The following PCNX1 variants were observed in gnomAD, a reference collection of about 807,000 sequenced individuals.
PCNX1 encodes the protein pecanex-like protein 1.
Under a neutral mutation model 242.2 loss-of-function variants are expected in PCNX1, and 78 were observed. The observed-to-expected ratio is 0.32, with a 90% CI of 0.27 to 0.39. The LOEUF is 0.39. PCNX1 is among the 10% of genes least tolerant of loss of function. PCNX1 has a pLI of 1.00. For missense variants in PCNX1, 2,581 were observed against 2,856.5 expected (o/e 0.90, Z 2.20); for synonymous variants, 1,024 against 1,032.9 (o/e 0.99, Z 0.17).
Position 70,935,171 on chromosome 14 carries a change from A to G in PCNX1, c.154-11744A>G, listed in dbSNP as rs574947554. Among the ~76,000 whole-genome samples, 3 of 152,340 alleles carry G rather than the reference A, an allele frequency of 2.0e-5. No individual in the cohort carries two copies. In the South Asian group the frequency reaches 6.2e-4, roughly 32 times the overall value. ...TGAATAGAAAATACAAGTATCGTTC[A>G]TCAGGTACTGGTTTCCAGTATGTAA... is the stretch of plus-strand genomic sequence containing the variant. On this transcript the variant is annotated intron_variant, in intron 1 of 35. Coordinates refer to ENST00000304743, the MANE Select transcript of PCNX1 (RefSeq NM_014982.3).
At chr14:70,959,086 TA>T (rs755161488) in intron 2 of PCNX1, among the ~76,000 whole-genome samples, 1 of 151,096 alleles carries the variant, frequency 6.6e-6, no homozygotes, top group Non-Finnish European at 1.5e-5. Context: ...GTAGAATTAG[TA>T]AAAAACTCTG....
chr14:71,023,060 C>A, intron 12 of PCNX1, 140 bp from the exon 13 acceptor site: 1 of 670,622 alleles, frequency 1.5e-6, no homozygotes. Context: ...TGTTTCATCT[C>A]TGGAACAGAA....
intron 2 of PCNX1, among the ~76,000 whole-genome samples, chr14:70,948,468 C>A (rs889761946): frequency 2.0e-5 from 3 of 152,074 alleles, no homozygotes; most frequent in Non-Finnish European, 2.9e-5. Context: ...TAGTTACTTA[C>A]ACTAGAGACC....
chr14:70,942,098 T>A (rs193297458), intron 1 of PCNX1, among the ~76,000 whole-genome samples: 36 of 152,206 alleles, frequency 2.4e-4, no homozygotes, highest in African/African-American at 8.4e-4. Flanking sequence ...TGATGCCCAG[T>A]CCTGCTTTGG....
At chr14:70,971,708 G>C (rs1309714653) in intron 5 of PCNX1, among the ~76,000 whole-genome samples, 1 of 152,196 alleles carries the variant, frequency 6.6e-6, no homozygotes, top group African/African-American at 2.4e-5. Flanking sequence ...GAGTAGTTGA[G>C]GGCGGGCTTC....
intron 16 of PCNX1, chr14:71,031,991 C>A: frequency 8.7e-7 from 1 of 1,153,018 alleles, no homozygotes; most frequent in Non-Finnish European, 1.3e-6. Context: ...TTGTCTCATG[C>A]CAAGAAAGAA....
Position 71,019,048 on chromosome 14 carries a change from G to A in PCNX1, c.3036G>A (p.Leu1012=), listed in dbSNP as rs1177859638. The change falls in exon 12 of 36, where the codon CTG becomes CTA. Residue 1012 remains leucine, a synonymous_variant. Coordinates refer to ENST00000304743, the MANE Select transcript of PCNX1 (RefSeq NM_014982.3). ...EILENVLAVI[L]AILVAFLGSI... is the part of the protein sequence containing the mutation. The stretch of plus-strand genomic sequence containing the variant: ...TGGAAAATGTGTTAGCTGTCATCCT[G>A]GCTATTCTCGTGGCCTTTTTGGGAT... The A allele has an allele frequency of 1.9e-6, 3 of 1,612,972 alleles. No individual in the cohort carries two copies. Among genetic ancestry groups the A allele is most frequent in the Non-Finnish European group, 2.5e-6 (3 of 1,179,408 alleles).
At chr14:71,040,111 C>T (rs923894326) in intron 19 of PCNX1, among the ~76,000 whole-genome samples, 6 of 152,168 alleles carry the variant, frequency 3.9e-5, no homozygotes, top group Non-Finnish European at 8.8e-5. Context: ...TGCACCCTGC[C>T]TCCTCTCCAG....
intron 1 of PCNX1, among the ~76,000 whole-genome samples, chr14:70,941,017 C>T (rs1199158125): frequency 6.6e-6 from 1 of 152,082 alleles, no homozygotes; most frequent in Non-Finnish European, 1.5e-5. Context: ...TTCTAGTTAG[C>T]CATTTGTCTA....
intron 1 of PCNX1, among the ~76,000 whole-genome samples, chr14:70,945,492 A>T (rs1056692761): frequency 2.6e-5 from 4 of 151,650 alleles, no homozygotes; most frequent in Non-Finnish European, 1.5e-5. Context: ...TATTATGCCG[A>T]CACTCAACAC....
chr14:70,910,029 C>T (rs1007123583), intron 1 of PCNX1, among the ~76,000 whole-genome samples: 1 of 82,640 alleles, frequency 1.2e-5, no homozygotes, highest in Non-Finnish European at 2.7e-5. Context: ...ACGACGACTC[C>T]TCCCTCCTCC....
At chr14:70,909,865 C>A (rs915262546) in intron 1 of PCNX1, among the ~76,000 whole-genome samples, 3 of 152,080 alleles carry the variant, frequency 2.0e-5, no homozygotes, top group African/African-American at 7.2e-5. Flanking sequence ...TTAATCAGTT[C>A]AGACCTTTAC....
chr14:70,954,570 C>T (rs1476094725), intron 2 of PCNX1, among the ~76,000 whole-genome samples: 1 of 152,036 alleles, frequency 6.6e-6, no homozygotes, highest in Non-Finnish European at 1.5e-5. Flanking sequence ...TTTTCATTTT[C>T]TCCATTAAAA....
At chr14:71,077,424 C>T (rs1477906614) in intron 28 of PCNX1, among the ~76,000 whole-genome samples, 1 of 152,204 alleles carries the variant, frequency 6.6e-6, no homozygotes, top group Non-Finnish European at 1.5e-5. Flanking sequence ...GTGCCTTCGT[C>T]ATGGTCTAGG....
intron 26 of PCNX1, among the ~76,000 whole-genome samples, chr14:71,061,729 A>G (rs1421243663): frequency 6.6e-6 from 1 of 152,204 alleles, no homozygotes; most frequent in African/African-American, 2.4e-5. Flanking sequence ...GGATTTGCCA[A>G]GGATGAAGAG....
chr14:71,061,876 A>G (rs2061333711), intron 26 of PCNX1, among the ~76,000 whole-genome samples: 1 of 152,180 alleles, frequency 6.6e-6, no homozygotes, highest in Non-Finnish European at 1.5e-5. Context: ...CTGGAACAGG[A>G]ACACATAGCT....
At chr14:71,048,673 G>A (rs1463425826) in intron 22 of PCNX1, among the ~76,000 whole-genome samples, 1 of 152,184 alleles carries the variant, frequency 6.6e-6, no homozygotes, top group Non-Finnish European at 1.5e-5. Flanking sequence ...GTAACAGAGA[G>A]CTGAAGCAAA....
chr14:71,032,439 A>G (rs967691260), intron 16 of PCNX1, among the ~76,000 whole-genome samples: 2 of 152,184 alleles, frequency 1.3e-5, no homozygotes, highest in African/African-American at 4.8e-5. Flanking sequence ...TTGGGGGGTA[A>G]TAGTACATAT....
chr14:70,981,925 T>C (rs1474947319), intron 6 of PCNX1, among the ~76,000 whole-genome samples: 1 of 152,212 alleles, frequency 6.6e-6, no homozygotes, highest in African/African-American at 2.4e-5. Context: ...TTGTGCTTTT[T>C]TTCTGAATTG....
Sources: allele counts gnomAD v4.1 joint callset (sites outside exome capture counted in the v4.1 genomes callset), GRCh38; gene constraint gnomAD v4.1.1; transcripts MANE v1.5; gene names NCBI Gene and HGNC (gene_info 2026-07-23, HGNC 2026-07-21).